Variants in DNMT1 observed in about 807,000 individuals in gnomAD.
The protein encoded by DNMT1 is DNA (cytosine-5)-methyltransferase 1.
In DNMT1, 24 loss-of-function variants were observed where a neutral mutation model predicts 205.3. The ratio of observed to expected loss-of-function variants is 0.12; its 90% CI spans 0.08 to 0.16. The LOEUF (loss-of-function observed/expected upper bound fraction) is 0.16. DNMT1 is among the 10% of genes least tolerant of loss of function. The pLI, the probability that DNMT1 is intolerant of heterozygous loss-of-function variation, is 1.00. For missense variants in DNMT1, 1,293 were observed against 2,177.7 expected, an observed-to-expected ratio of 0.59 and a Z score of 8.09; for synonymous variants, 817 against 839.8, an observed-to-expected ratio of 0.97 and a Z score of 0.47.
chr19:10,172,558 C>T (rs548329709), intron 9 of DNMT1, among the ~76,000 whole-genome samples: 21 of 152,120 alleles, frequency 1.4e-4, no homozygotes, highest in Non-Finnish European at 2.6e-4. Flanking sequence ...GGTGTGGTGG[C>T]TCATGCCTGT....
rs1261849583 is a variant in DNMT1 at position 10,175,411 on chromosome 19, T to C, written c.648+129A>G. The C allele has an allele frequency of 1.0e-5, 10 of 977,086 alleles. No individual in the cohort carries two copies. The East Asian group carries it at 2.5e-4, about 24-fold the overall frequency. The allele number at this position is 977,086 out of a possible 1,614,324, so 60.5% of individuals were successfully genotyped here. ...ACACATATACATTCTATTGGTCCTG[T>C]CTCTCTGGAGAGCCCTAAATAGAGC... is the stretch of plus-strand genomic sequence containing the variant. On this transcript the variant is annotated intron_variant, in intron 7 of 40. Coordinates refer to ENST00000359526, the MANE Select transcript of DNMT1 (RefSeq NM_001130823.3).
At chr19:10,182,701 G>A (rs569645376) in intron 1 of DNMT1, among the ~76,000 whole-genome samples, 187 of 151,172 alleles carry the variant, frequency 1.2e-3, no homozygotes, top group African/African-American at 4.2e-3. Flanking sequence ...ATGGAGTCTC[G>A]CTCTGTTGCC....
intron 7 of DNMT1, among the ~76,000 whole-genome samples, chr19:10,174,638 C>T (rs2038894361): frequency 6.6e-6 from 1 of 151,658 alleles, no homozygotes; most frequent in South Asian, 2.1e-4. Context: ...ACCCAGGAGG[C>T]GGAGGTTGCA....
intron 9 of DNMT1, among the ~76,000 whole-genome samples, chr19:10,171,369 G>A (rs2038811440): frequency 6.6e-6 from 1 of 152,116 alleles, no homozygotes; most frequent in Non-Finnish European, 1.5e-5. Flanking sequence ...AAACTGACTA[G>A]TTGATTTAAG....
intron 6 of DNMT1, among the ~76,000 whole-genome samples, chr19:10,175,859 A>G (rs1178973992): frequency 6.6e-6 from 1 of 152,226 alleles, no homozygotes; most frequent in Admixed American, 6.6e-5. Context: ...ATGGAGGGAC[A>G]CAGCACCATC....
chr19:10,166,482 G>A, intron 11 of DNMT1, 116 bp downstream of exon 11: 1 of 1,277,958 alleles, frequency 7.8e-7, no homozygotes, highest in Non-Finnish European at 1.1e-6. Flanking sequence ...TGGCCCCATG[G>A]AGCCTGGGTG....
intron 24 of DNMT1, among the ~76,000 whole-genome samples, chr19:10,150,695 C>A (rs540810212): frequency 6.6e-6 from 1 of 152,220 alleles, no homozygotes; most frequent in African/African-American, 2.4e-5. Context: ...AAGGAACTGA[C>A]CTTCAGTGAA....
chr19:10,169,405 A>AG (rs994034896), intron 9 of DNMT1, among the ~76,000 whole-genome samples: 4 of 150,740 alleles, frequency 2.7e-5, no homozygotes, highest in Middle Eastern at 3.4e-3. Context: ...AAAAAAAAAA[A>AG]AATTAGCCGG....
chr19:10,157,129 C>T (rs1015712032), intron 17 of DNMT1, among the ~76,000 whole-genome samples: 2 of 152,154 alleles, frequency 1.3e-5, no homozygotes, highest in East Asian at 1.9e-4. Flanking sequence ...AGCTGCAGAA[C>T]ATTTCTGTCA....
intron 9 of DNMT1, among the ~76,000 whole-genome samples, chr19:10,172,800 C>CAT (rs1278023858): frequency 6.6e-6 from 1 of 152,042 alleles, no homozygotes; most frequent in Non-Finnish European, 1.5e-5. Flanking sequence ...GCCTGGGTGA[C>CAT]AGAGTGGGAG....
chr19:10,189,311 C>T (rs1015073099), intron 1 of DNMT1, among the ~76,000 whole-genome samples: 8 of 151,942 alleles, frequency 5.3e-5, no homozygotes, highest in South Asian at 2.1e-4. Context: ...TTAGTAGAGA[C>T]GGGGTTTCAC....
intron 9 of DNMT1, among the ~76,000 whole-genome samples, chr19:10,169,040 G>A (rs900815622): frequency 2.0e-5 from 3 of 151,976 alleles, no homozygotes; most frequent in East Asian, 3.9e-4. Flanking sequence ...GTTTCATCAC[G>A]TTGGCCAGAC....
chr19:10,172,997 G>T, intron 9 of DNMT1, 93 bp downstream of exon 9: 1 of 1,448,910 alleles, frequency 6.9e-7, no homozygotes, highest in Admixed American at 1.7e-5. Context: ...GTTCTTCCAC[G>T]TTCCCCACCC....
chr19:10,174,274 A>G (rs2038888234), intron 7 of DNMT1, among the ~76,000 whole-genome samples: 1 of 152,060 alleles, frequency 6.6e-6, no homozygotes, highest in Admixed American at 6.6e-5. Context: ...TACAAAACTT[A>G]GCTCATTGGC....
chr19:10,156,967 T>C lies in DNMT1; in HGVS notation c.1281-458A>G, dbSNP rs1232536616. On this transcript the variant is annotated intron_variant, in intron 17 of 40. Coordinates refer to ENST00000359526, the MANE Select transcript of DNMT1 (RefSeq NM_001130823.3). This position sits in a 1 kb window ranked among gnomAD's most constrained non-coding sequence, Gnocchi z 4.2. ...AACACTGGATTAAGACAGCGTTCTA[T>C]CACCCAGAGTTTCTACCTTATTCTC... Among the ~76,000 whole-genome samples, 1 of 152,148 alleles carries C rather than the reference T, an allele frequency of 6.6e-6. No homozygotes were observed. Among genetic ancestry groups the C allele is most frequent in the Non-Finnish European group, 1.5e-5 (1 of 68,024 alleles).
At chr19:10,177,395 A>G in intron 5 of DNMT1, 28 bp from the exon 6 acceptor site, 4 of 1,604,134 alleles carry the variant, frequency 2.5e-6, no homozygotes, top group Non-Finnish European at 3.4e-6. Context: ...AGCATTAAAA[A>G]GAAAAAAAAA....
At chr19:10,148,232 C>G (rs571927274) in intron 27 of DNMT1, among the ~76,000 whole-genome samples, 1 of 151,082 alleles carries the variant, frequency 6.6e-6, no homozygotes, top group East Asian at 1.9e-4. Context: ...TGTGGTGGCT[C>G]ACGCCTGTAA....
chr19:10,138,292 C>T lies in DNMT1; in HGVS notation c.4115+147G>A. On this transcript the variant is annotated intron_variant, in intron 35 of 40. Transcript: ENST00000359526. The surrounding 1 kb of genome is among the most constrained non-coding windows in gnomAD (Gnocchi z 4.1). ...GGTCAGAACTGGAGACCACAGGTGG[C>T]AGAGTGCCATGTGGCAGAGCACCGT... is the stretch of plus-strand genomic sequence containing the variant. 9 of 1,293,812 alleles carry T rather than the reference C, an allele frequency of 7.0e-6. No homozygotes were observed. The highest frequency in any genetic ancestry group is 8.6e-6 in the Non-Finnish European group (8 of 926,320). 80.1% of individuals were successfully genotyped at this position (1,293,812 alleles called of 1,614,324 possible).
chr19:10,182,467 GTATATATATACA>G (rs944170739), intron 1 of DNMT1, among the ~76,000 whole-genome samples: 2 of 121,212 alleles, frequency 1.7e-5, no homozygotes, highest in African/African-American at 6.2e-5. Flanking sequence ...ATATATGTGT[GTATATATATACA>G]TATATATGTG....
Sources: allele counts gnomAD v4.1 joint callset (sites outside exome capture counted in the v4.1 genomes callset), GRCh38; gene constraint gnomAD v4.1.1; non-coding constraint Gnocchi (gnomAD v3.1); transcripts MANE v1.5; gene names NCBI Gene and HGNC (gene_info 2026-07-23, HGNC 2026-07-21).